The following FRMD4A variants were observed in gnomAD, a reference collection of about 807,000 sequenced individuals.
The protein encoded by FRMD4A is FERM domain-containing protein 4A.
FRMD4A carries 29 observed loss-of-function variants against 129.1 expected under a neutral mutation model. The observed-to-expected ratio is 0.22, with a 90% CI of 0.17 to 0.31. The LOEUF (loss-of-function observed/expected upper bound fraction) is 0.31. Ranked by LOEUF, FRMD4A falls within the 10% of genes least tolerant of loss-of-function variation. The probability of loss-of-function intolerance (pLI) is 1.00; values close to 1 mark genes in which losing one functional copy is unlikely to be tolerated. For synonymous variants in FRMD4A, 634 were observed against 571.6 expected (o/e 1.11, Z -1.56); for missense variants, 1,272 against 1,375.8 (o/e 0.92, Z 1.19).
intron 2 of FRMD4A, chr10:14,007,574 C>G (rs1312042775): frequency 6.5e-6 from 1 of 153,076 alleles, no homozygotes; most frequent in East Asian, 1.9e-4. Context: ...GGGAAAAAAG[C>G]ATGTAATCAA....
rs770887631 is a variant in FRMD4A, at chr10:13,971,810, G to A, written c.46-112898C>T. On this transcript the variant is annotated intron_variant, in intron 2 of 24. Coordinates refer to ENST00000357447, the MANE Select transcript of FRMD4A (RefSeq NM_018027.5). Reference sequence around the variant, plus strand: ...CAGCCCAGCAGCCATGCCAGCCCCAGACTCTGCCGCCAACCCTCTGGTCCC... The same window carrying A: ...CAGCCCAGCAGCCATGCCAGCCCCAAACTCTGCCGCCAACCCTCTGGTCCC... 8.4e-6 allele frequency: 11 copies of A among 1,304,428 alleles called. No individual in the cohort carries two copies. The South Asian group carries it at 1.4e-4, about 16-fold the overall frequency. 80.8% of individuals were successfully genotyped at this position (1,304,428 alleles called of 1,614,324 possible).
chr10:13,733,627 C>T (rs895978979), intron 12 of FRMD4A, among the ~76,000 whole-genome samples: 1 of 152,240 alleles, frequency 6.6e-6, no homozygotes, highest in Non-Finnish European at 1.5e-5. Flanking sequence ...GGGGTTTCAC[C>T]ATGTTGGACA....
At chr10:14,279,715 T>C (rs1273050338) in intron 2 of FRMD4A, among the ~76,000 whole-genome samples, 1 of 152,216 alleles carries the variant, frequency 6.6e-6, no homozygotes, top group Non-Finnish European at 1.5e-5. Context: ...AATAACAACG[T>C]GTCCTAACTC....
At chr10:14,124,553 G>C (rs140720651) in intron 2 of FRMD4A, among the ~76,000 whole-genome samples, 1,904 of 152,280 alleles carry the variant, frequency 0.013, 31 homozygotes, top group African/African-American at 0.043. Context: ...GTGGGCACCT[G>C]TAATCTCAGC....
At chr10:14,064,575 AT>A (rs1217430257) in intron 2 of FRMD4A, among the ~76,000 whole-genome samples, 2 of 152,094 alleles carry the variant, frequency 1.3e-5, no homozygotes, top group East Asian at 1.9e-4. Flanking sequence ...TATTCTGCTT[AT>A]TTTTTTATTT....
At chr10:14,008,611 G>C (rs548418334) in intron 2 of FRMD4A, 1 of 549,112 alleles carries the variant, frequency 1.8e-6, no homozygotes, top group Admixed American at 6.3e-5. Context: ...CAAGCCCCTC[G>C]GCCGTACAGT....
At chr10:14,044,813 GT>G (rs2131678612) in intron 2 of FRMD4A, among the ~76,000 whole-genome samples, 1 of 152,342 alleles carries the variant, frequency 6.6e-6, no homozygotes, top group Non-Finnish European at 1.5e-5. Flanking sequence ...ATAGAACATT[GT>G]TTTCAACCAC....
rs55774636 is a variant in FRMD4A, at chr10:13,943,646, C to CAAAAAAAAAAAAAAAAAA, written c.46-84752_46-84735dup. On this transcript the variant is annotated intron_variant, in intron 2 of 24. Transcript: ENST00000357447. ...CTGGCGACAGAGCAAGACTCTGTCT[C>CAAAAAAAAAAAAAAAAAA]AAAAAAAAAAAAAAAAAAAAAAAAA... Among the ~76,000 whole-genome samples the CAAAAAAAAAAAAAAAAAA allele has an allele frequency of 2.9e-4, 17 of 58,264 alleles. 1 individual carries two copies. The highest frequency in any genetic ancestry group is 8.3e-4 in the East Asian group (1 of 1,200). 38.2% of individuals were successfully genotyped at this position (58,264 alleles called of 152,430 possible).
intron 14 of FRMD4A, among the ~76,000 whole-genome samples, chr10:13,697,066 A>C (rs1021787162): frequency 7.9e-5 from 12 of 152,212 alleles, no homozygotes; most frequent in African/African-American, 2.7e-4. Context: ...CATCATTCTT[A>C]AAACAAAAAT....
At chr10:14,125,750 C>CA (rs199796289) in intron 2 of FRMD4A, among the ~76,000 whole-genome samples, 2,152 of 134,938 alleles carry the variant, frequency 0.016, 50 homozygotes, top group African/African-American at 0.056. Flanking sequence ...CGTGCACACT[C>CA]ATGCGCACGC....
intron 2 of FRMD4A, among the ~76,000 whole-genome samples, chr10:13,861,577 AAC>A (rs776229548): frequency 3.7e-4 from 57 of 152,342 alleles, no homozygotes; most frequent in Non-Finnish European, 5.6e-4. Context: ...GAACAGATTA[AAC>A]ACAGAGGAAA....
intron 2 of FRMD4A, among the ~76,000 whole-genome samples, chr10:13,969,252 T>G (rs1052300717): frequency 6.6e-6 from 1 of 152,322 alleles, no homozygotes; most frequent in East Asian, 1.9e-4. Flanking sequence ...CCATGGGGAT[T>G]ACCTCCCAGC....
At chr10:13,675,470 C>T (rs1474415948) in intron 15 of FRMD4A, among the ~76,000 whole-genome samples, 3 of 152,176 alleles carry the variant, frequency 2.0e-5, no homozygotes, top group Non-Finnish European at 4.4e-5. Context: ...GGCATGATCT[C>T]GGCTCGCTGC....
chr10:13,682,231 C>G (rs886798039), intron 15 of FRMD4A, among the ~76,000 whole-genome samples: 50 of 152,008 alleles, frequency 3.3e-4, no homozygotes, highest in African/African-American at 9.9e-4. Context: ...CTGAAACCCT[C>G]CCCCGCCACT....
intron 4 of FRMD4A, among the ~76,000 whole-genome samples, chr10:13,800,009 C>T (rs1377407158): frequency 7.7e-6 from 1 of 129,186 alleles, no homozygotes; most frequent in Non-Finnish European, 1.8e-5. Flanking sequence ...GAAACCCCAT[C>T]TCTACTAAAA....
chr10:13,930,939 C>A (rs957215822), intron 2 of FRMD4A, among the ~76,000 whole-genome samples: 1 of 151,990 alleles, frequency 6.6e-6, no homozygotes, highest in Non-Finnish European at 1.5e-5. Context: ...CTCAGAAGAT[C>A]CTCCTCCCTC....
intron 15 of FRMD4A, among the ~76,000 whole-genome samples, chr10:13,690,721 T>C (rs1379600976): frequency 1.3e-5 from 2 of 152,194 alleles, no homozygotes; most frequent in African/African-American, 4.8e-5. Context: ...AAGCTGACAA[T>C]GGGAGCCGCT....
At position 14,185,774 on chromosome 10, in the gene FRMD4A, AGATAC is replaced by A. The variant is rs200969950; in HGVS notation, c.45+144279_45+144283del. On this transcript the variant is annotated intron_variant, in intron 2 of 24. Transcript: ENST00000357447. The stretch of plus-strand genomic sequence containing the variant: ...CCAGGCTAGTACCAGCCAAAGCAAC[AGATAC>A]GTACAATCCAGACTAGTCCTGGGCG... 3.7e-3 allele frequency among the ~76,000 whole-genome samples: 556 copies of A among 152,294 alleles called. 2 individuals are homozygous for A. The highest frequency in any genetic ancestry group is 0.01 in the African/African-American group (416 of 41,586).
At chr10:13,885,662 T>C (rs746433612) in intron 2 of FRMD4A, among the ~76,000 whole-genome samples, 12 of 152,218 alleles carry the variant, frequency 7.9e-5, no homozygotes, top group Non-Finnish European at 1.6e-4. Context: ...TTGACTGTGA[T>C]GGGCAGCCCT....
Sources: allele counts gnomAD v4.1 joint callset (sites outside exome capture counted in the v4.1 genomes callset), GRCh38; gene constraint gnomAD v4.1.1; transcripts MANE v1.5; gene names NCBI Gene and HGNC (gene_info 2026-07-23, HGNC 2026-07-21).